The following CSMD2 variants were observed in gnomAD, a reference collection of about 807,000 sequenced individuals.
CSMD2 encodes the protein CUB and Sushi multiple domains 2, also known as CUB and sushi domain-containing protein 2.
CSMD2 carries 130 observed loss-of-function variants against 398.5 expected under a neutral mutation model. The observed-to-expected ratio is 0.33, with a 90% CI of 0.28 to 0.38. The LOEUF is 0.38. CSMD2 is among the 10% of genes least tolerant of loss of function. The pLI is 1.00. For missense variants in CSMD2, 3,829 were observed against 4,764.9 expected (o/e 0.80, Z 5.78); for synonymous variants, 1,828 against 1,908.5 (o/e 0.96, Z 1.10).
Position 34,123,505 on chromosome 1 carries a change from C to A in CSMD2, c.188-34312G>T, listed in dbSNP as rs139882746. 2.1e-3 allele frequency among the ~76,000 whole-genome samples: 269 copies of A among 130,664 alleles called. 1 individual carries two copies. The highest frequency in any genetic ancestry group is 6.6e-3 in the African/African-American group (253 of 38,340). The allele number at this position is 130,664 out of a possible 152,430, so 85.7% of individuals were successfully genotyped here. Reference sequence around the variant, plus strand: ...CCTGACTTCTGTGAGCTACTCCAGCCAATTAATCAAACTTAAAGGGGGGGG... The same window carrying A: ...CCTGACTTCTGTGAGCTACTCCAGCAAATTAATCAAACTTAAAGGGGGGGG... On this transcript the variant is annotated intron_variant, in intron 1 of 70. Transcript: ENST00000373381.
At chr1:33,544,109 T>TC (rs1656627645) in intron 57 of CSMD2, among the ~76,000 whole-genome samples, 1 of 144,368 alleles carries the variant, frequency 6.9e-6, no homozygotes, top group East Asian at 2.0e-4. Flanking sequence ...TGTCTTTTTT[T>TC]TTTTTTTTTT....
At chr1:33,664,541 C>T (rs642676) in intron 25 of CSMD2, among the ~76,000 whole-genome samples, 134,924 of 152,164 alleles carry the variant, frequency 0.89, 60,138 homozygotes, top group Admixed American at 0.92. Context: ...GTGGCTCATG[C>T]CTGTAATCCC....
intron 56 of CSMD2, among the ~76,000 whole-genome samples, chr1:33,546,994 G>T (rs1332983647): frequency 1.3e-5 from 2 of 152,126 alleles, no homozygotes; most frequent in Non-Finnish European, 2.9e-5. Context: ...CTGTAGGAGA[G>T]AATTTTAAAT....
chr1:34,109,365 G>A lies in CSMD2; in HGVS notation c.188-20172C>T, dbSNP rs374718650. 4.1e-4 allele frequency among the ~76,000 whole-genome samples: 63 copies of A among 152,312 alleles called. 2 individuals carry two copies. Among genetic ancestry groups the A allele is most frequent in the African/African-American group, 1.3e-3 (56 of 41,562 alleles). ...GCTCAAATCAGCTCCCTCTGCTCAAGCAAATTAGTGATGGGGTCAGTATGG... is the reference window on the plus strand; with the variant it reads ...GCTCAAATCAGCTCCCTCTGCTCAAACAAATTAGTGATGGGGTCAGTATGG... On this transcript the variant is annotated intron_variant, in intron 1 of 70. Coordinates refer to ENST00000373381, the MANE Select transcript of CSMD2 (RefSeq NM_001281956.2).
intron 55 of CSMD2, among the ~76,000 whole-genome samples, chr1:33,557,467 A>G (rs1264834659): frequency 6.6e-6 from 1 of 152,178 alleles, no homozygotes; most frequent in Non-Finnish European, 1.5e-5. Flanking sequence ...AGAGGGTGGT[A>G]ACTAGAGAGG....
chr1:34,109,358 T>G (rs1242317556), intron 1 of CSMD2, among the ~76,000 whole-genome samples: 3 of 152,206 alleles, frequency 2.0e-5, no homozygotes, highest in Admixed American at 2.0e-4. Context: ...CAGCTCCCTC[T>G]GCTCAAGCAA....
intron 22 of CSMD2, among the ~76,000 whole-genome samples, chr1:33,701,145 C>T (rs891382320): frequency 6.6e-6 from 1 of 152,156 alleles, no homozygotes; most frequent in African/African-American, 2.4e-5. Context: ...CTGATCCCAC[C>T]CCACTGTGGC....
At chr1:34,095,359 C>G (rs370257131) in intron 1 of CSMD2, among the ~76,000 whole-genome samples, 1 of 149,290 alleles carries the variant, frequency 6.7e-6, no homozygotes, top group East Asian at 2.0e-4. Context: ...ACTAGAAAAG[C>G]AAGAGCAAAC....
At chr1:34,076,035 G>A (rs1306601263) in intron 2 of CSMD2, among the ~76,000 whole-genome samples, 1 of 152,174 alleles carries the variant, frequency 6.6e-6, no homozygotes, top group African/African-American at 2.4e-5. Context: ...TGGCACCCTG[G>A]GATGTGGTTG....
At position 33,663,181 on chromosome 1, in the gene CSMD2, GGCCCTAAACCTACAAA is replaced by G. The variant is rs941461730; in HGVS notation, c.4053-105_4053-90del. ...AGAAGGTCCTAAACCTACGAAGACT[GGCCCTAAACCTACAAA>G]GCCCTAAACCTCCGAAGCCCAGCAG... is the stretch of plus-strand genomic sequence containing the variant. On this transcript the variant is annotated intron_variant, in intron 25 of 70. Transcript: ENST00000373381. 75 of 1,114,834 alleles carry G rather than the reference GGCCCTAAACCTACAAA, an allele frequency of 6.7e-5. 1 individual carries two copies. The African/African-American group carries it at 9.9e-4, about 15-fold the overall frequency. 69.1% of individuals were successfully genotyped at this position (1,114,834 alleles called of 1,614,324 possible).
intron 1 of CSMD2, among the ~76,000 whole-genome samples, chr1:34,124,408 C>A (rs765812819): frequency 2.6e-5 from 4 of 152,154 alleles, no homozygotes; most frequent in Non-Finnish European, 5.9e-5. Context: ...TTACACTTGT[C>A]TTCTGGGAGA....
At chr1:34,004,264 T>C (rs1646990753) in intron 3 of CSMD2, among the ~76,000 whole-genome samples, 1 of 152,180 alleles carries the variant, frequency 6.6e-6, no homozygotes, top group African/African-American at 2.4e-5. Flanking sequence ...GATCCAGCTG[T>C]TCCTGAGGCC....
intron 13 of CSMD2, among the ~76,000 whole-genome samples, chr1:33,757,213 C>T (rs962617499): frequency 6.6e-6 from 1 of 152,020 alleles, no homozygotes; most frequent in Non-Finnish European, 1.5e-5. Flanking sequence ...AGCTAAATGA[C>T]GAGTTAATGG....
At chr1:33,876,922 A>C (rs1248629046) in intron 5 of CSMD2, among the ~76,000 whole-genome samples, 1 of 152,234 alleles carries the variant, frequency 6.6e-6, no homozygotes, top group Non-Finnish European at 1.5e-5. Context: ...GGCATGACAG[A>C]TAATATAGAT....
chr1:33,994,281 G>T (rs1558218034), intron 3 of CSMD2, among the ~76,000 whole-genome samples: 2 of 152,112 alleles, frequency 1.3e-5, no homozygotes, highest in Admixed American at 6.5e-5. Flanking sequence ...TGGGGTAGGT[G>T]AGCGAGAGGA....
At chr1:34,076,923 AAAAAAAT>A (rs1208010449) in intron 2 of CSMD2, among the ~76,000 whole-genome samples, 5 of 112,766 alleles carry the variant, frequency 4.4e-5, no homozygotes, top group East Asian at 2.3e-4. Flanking sequence ...AAAAAAAAAA[AAAAAAAT>A]ATATATATAT....
intron 5 of CSMD2, among the ~76,000 whole-genome samples, chr1:33,881,107 G>A (rs1303668825): frequency 6.6e-6 from 1 of 152,140 alleles, no homozygotes; most frequent in Non-Finnish European, 1.5e-5. Flanking sequence ...CATTACGCAG[G>A]GAGAAAAGAG....
At chr1:34,051,965 G>A (rs913330340) in intron 2 of CSMD2, among the ~76,000 whole-genome samples, 2 of 152,036 alleles carry the variant, frequency 1.3e-5, no homozygotes, top group Non-Finnish European at 2.9e-5. Context: ...TCCATTAAGG[G>A]CCTAAATAGA....
intron 5 of CSMD2, among the ~76,000 whole-genome samples, chr1:33,913,747 G>T (rs948785812): frequency 1.3e-5 from 2 of 152,092 alleles, no homozygotes; most frequent in Admixed American, 1.3e-4. Context: ...TAATTCCAGA[G>T]AAACTGCACA....
Sources: allele counts gnomAD v4.1 joint callset (sites outside exome capture counted in the v4.1 genomes callset), GRCh38; gene constraint gnomAD v4.1.1; transcripts MANE v1.5; gene names NCBI Gene and HGNC (gene_info 2026-07-23, HGNC 2026-07-21).